The following SLCO1B1 variants were observed in gnomAD, a reference collection of about 807,000 sequenced individuals.
SLCO1B1 encodes solute carrier organic anion transporter family member 1B1, also known as OATP-2.
A neutral mutation model predicts 70.1 loss-of-function variants in SLCO1B1; 81 were observed. The ratio of observed to expected loss-of-function variants is 1.16; its 90% CI spans 0.97 to 1.39. The LOEUF is 1.39. SLCO1B1 is among the 40% of genes most tolerant of loss of function. SLCO1B1 has a pLI of 0.00. For missense variants in SLCO1B1, 895 were observed against 799.6 expected, an observed-to-expected ratio of 1.12 and a Z score of -1.44; for synonymous variants, 283 against 271.5, an observed-to-expected ratio of 1.04 and a Z score of -0.42.
At chr12:21,140,682 TATTAAG>T (rs926334497) in intron 1 of SLCO1B1, among the ~76,000 whole-genome samples, 2 of 151,970 alleles carry the variant, frequency 1.3e-5, no homozygotes, top group African/African-American at 2.4e-5. Context: ...GAGAAAGACT[TATTAAG>T]ATTAAGTATA....
intron 2 of SLCO1B1, among the ~76,000 whole-genome samples, chr12:21,143,862 T>C (rs945313543): frequency 3.3e-5 from 5 of 152,154 alleles, no homozygotes; most frequent in Non-Finnish European, 4.4e-5. Context: ...CAAGCAACTG[T>C]GGATTCTAAC....
chr12:21,239,194 A>G lies in SLCO1B1; in HGVS notation c.*5A>G. On this transcript the variant is annotated 3_prime_UTR_variant, in exon 15 of 15. Coordinates refer to ENST00000256958, the MANE Select transcript of SLCO1B1 (RefSeq NM_006446.5). ...GATAGTGAAACACATTGTTAAGGGG[A>G]GAAAAAAAGCCACTTCTGCTTCTGT... 6.2e-7 allele frequency: 1 copy of G among 1,600,530 alleles called. No individual in the cohort carries two copies. Among genetic ancestry groups the G allele is most frequent in the Non-Finnish European group, 8.6e-7 (1 of 1,167,966 alleles).
intron 12 of SLCO1B1, among the ~76,000 whole-genome samples, chr12:21,221,153 G>A (rs1167018370): frequency 6.6e-6 from 1 of 151,960 alleles, no homozygotes; most frequent in Non-Finnish European, 1.5e-5. Flanking sequence ...GGCATCAAAG[G>A]AACATACCTC....
intron 7 of SLCO1B1, among the ~76,000 whole-genome samples, chr12:21,187,775 A>G (rs1221876351): frequency 6.6e-6 from 1 of 152,216 alleles, no homozygotes; most frequent in African/African-American, 2.4e-5. Context: ...ATGGCCAATC[A>G]AGAAAATTAT....
chr12:21,224,889 T>G lies in SLCO1B1; in HGVS notation c.1865+50T>G, dbSNP rs11045875. On this transcript the variant is annotated intron_variant, in intron 14 of 14. Transcript: ENST00000256958. ...TTATTTTTTCTTTGACTATATTAAT[T>G]CCTAAAAAATATCATTTTCATTATA... 296 of 925,002 alleles carry G rather than the reference T, an allele frequency of 3.2e-4. 3 individuals carry two copies. In the East Asian group the frequency reaches 7.5e-3, roughly 24 times the overall value. The allele number at this position is 925,002 out of a possible 1,614,324, so 57.3% of individuals were successfully genotyped here. A position where few individuals can be genotyped will look rare whatever the true frequency, so the allele number is the denominator to read the frequency against.
chr12:21,158,395 G>T (rs1192028562), intron 2 of SLCO1B1, among the ~76,000 whole-genome samples: 1 of 152,044 alleles, frequency 6.6e-6, no homozygotes, highest in Non-Finnish European at 1.5e-5. Context: ...ATTTTTCAAA[G>T]GTAAAAATTT....
intron 11 of SLCO1B1, among the ~76,000 whole-genome samples, chr12:21,211,183 T>C (rs1166581939): frequency 1.3e-5 from 2 of 152,188 alleles, no homozygotes; most frequent in African/African-American, 2.4e-5. Context: ...TTCAGTATGA[T>C]ATTGGCTGTG....
At chr12:21,191,130 G>A (rs1438189276) in intron 7 of SLCO1B1, among the ~76,000 whole-genome samples, 1 of 151,634 alleles carries the variant, frequency 6.6e-6, no homozygotes, top group Non-Finnish European at 1.5e-5. Context: ...TGTCCTTCTT[G>A]GTTCCATATG....
intron 7 of SLCO1B1, among the ~76,000 whole-genome samples, chr12:21,184,868 A>G (rs1000346590): frequency 6.6e-6 from 1 of 152,206 alleles, no homozygotes; most frequent in Non-Finnish European, 1.5e-5. Context: ...TAAAAGACAC[A>G]TCTTACATGT....
In SLCO1B1 at chr12:21,174,669, G is replaced by A; in HGVS notation, c.319G>A (p.Gly107Arg). ...IGIGCFIMGI[G>R]GVLTALPHFF... ...AATCGGTTGTTTCATTATGGGAATT[G>A]GAGGTGTTTTGACTGCTTTGCCACA... Residue 107 changes from glycine to arginine, a missense_variant, in exon 4 of 15, where the codon GGA (glycine) becomes AGA (arginine). Physicochemically the swap from Gly to Arg is moderately radical, Grantham distance 125. Coordinates refer to ENST00000256958, the MANE Select transcript of SLCO1B1 (RefSeq NM_006446.5). 2.5e-6 allele frequency: 4 copies of A among 1,613,116 alleles called. No individual in the cohort carries two copies. The highest frequency in any genetic ancestry group is 3.4e-6 in the Non-Finnish European group (4 of 1,179,684).
intron 7 of SLCO1B1, among the ~76,000 whole-genome samples, chr12:21,189,809 T>G (rs776289960): frequency 3.9e-5 from 6 of 152,210 alleles, no homozygotes; most frequent in Non-Finnish European, 8.8e-5. Flanking sequence ...ATAAGTGGAA[T>G]AGTTAAATTT....
intron 12 of SLCO1B1, among the ~76,000 whole-genome samples, chr12:21,220,048 AC>A (rs1421612653): frequency 1.3e-5 from 2 of 152,216 alleles, no homozygotes; most frequent in Non-Finnish European, 2.9e-5. Flanking sequence ...GGCCTGAGCC[AC>A]AGCACCTGGC....
At chr12:21,138,316 C>A (rs1940257011) in intron 1 of SLCO1B1, among the ~76,000 whole-genome samples, 1 of 152,138 alleles carries the variant, frequency 6.6e-6, no homozygotes, top group Non-Finnish European at 1.5e-5. Flanking sequence ...GAAGAACTGA[C>A]CTCTTCCGGG....
chr12:21,230,837 T>C (rs1049242118), intron 14 of SLCO1B1, among the ~76,000 whole-genome samples: 5 of 152,174 alleles, frequency 3.3e-5, no homozygotes, highest in Non-Finnish European at 5.9e-5. Context: ...ATTATTATTA[T>C]TATACTTTAA....
chr12:21,156,131 G>A (rs1038977256), intron 2 of SLCO1B1, among the ~76,000 whole-genome samples: 3 of 152,046 alleles, frequency 2.0e-5, no homozygotes, highest in African/African-American at 7.2e-5. Context: ...GTGACCGAGA[G>A]ACAAAGGTAA....
chr12:21,135,982 C>G (rs1404033540), intron 1 of SLCO1B1, among the ~76,000 whole-genome samples: 2 of 152,110 alleles, frequency 1.3e-5, no homozygotes, highest in Admixed American at 6.5e-5. Flanking sequence ...CCAGTTGTTC[C>G]TTTCCATGTT....
At chr12:21,132,642 A>T (rs1236128970) in intron 1 of SLCO1B1, among the ~76,000 whole-genome samples, 1 of 152,086 alleles carries the variant, frequency 6.6e-6, no homozygotes, top group East Asian at 1.9e-4. Flanking sequence ...TTCTGTTGAG[A>T]AGTGTCTGTT....
chr12:21,216,448 T>C (rs879643477), intron 11 of SLCO1B1, among the ~76,000 whole-genome samples: 2 of 152,186 alleles, frequency 1.3e-5, no homozygotes, highest in Non-Finnish European at 2.9e-5. Context: ...CACCTGTCTA[T>C]ATAAACTGTT....
intron 2 of SLCO1B1, among the ~76,000 whole-genome samples, chr12:21,142,493 C>G (rs908532118): frequency 2.6e-5 from 4 of 151,902 alleles, no homozygotes; most frequent in Non-Finnish European, 5.9e-5. Flanking sequence ...AATGTTTTAA[C>G]TTTTTTATTT....
Sources: allele counts gnomAD v4.1 joint callset (sites outside exome capture counted in the v4.1 genomes callset), GRCh38; gene constraint gnomAD v4.1.1; transcripts MANE v1.5; gene names NCBI Gene and HGNC (gene_info 2026-07-23, HGNC 2026-07-21).